SAFB2: variants seen among roughly 807,000 people sequenced by gnomAD.
SAFB2 encodes scaffold attachment factor B2.
A neutral mutation model predicts 100.6 loss-of-function variants in SAFB2; 32 were observed. That is an observed-to-expected ratio of 0.32 (90% CI 0.24 to 0.43). The LOEUF is 0.43. Ranked by LOEUF, SAFB2 falls within the 20% of genes least tolerant of loss-of-function variation. The pLI, the probability that SAFB2 is intolerant of heterozygous loss-of-function variation, is 1.00. For missense variants in SAFB2, 1,185 were observed against 1,163.4 expected (o/e 1.02, Z -0.27); for synonymous variants, 500 against 439.4 (o/e 1.14, Z -1.72).
intron 9 of SAFB2, among the ~76,000 whole-genome samples, chr19:5,608,955 C>G (rs898862467): frequency 6.8e-6 from 1 of 148,050 alleles, no homozygotes; most frequent in Non-Finnish European, 1.5e-5. Flanking sequence ...AGCTAAGGCA[C>G]GAGAATCACT....
intron 4 of SAFB2, among the ~76,000 whole-genome samples, chr19:5,614,901 C>A (rs1446570650): frequency 1.3e-5 from 2 of 152,204 alleles, no homozygotes; most frequent in African/African-American, 4.8e-5. Flanking sequence ...AATGTAACTG[C>A]TTAACCTTGC....
intron 13 of SAFB2, 26 bp downstream of exon 13, chr19:5,598,767 C>G (rs751839819): frequency 3.7e-6 from 6 of 1,600,406 alleles, no homozygotes; most frequent in Non-Finnish European, 3.4e-6. Flanking sequence ...AACAGCTGGC[C>G]CTGAGATGGC....
At chr19:5,612,280 T>A in intron 6 of SAFB2, 1 of 529,764 alleles carries the variant, frequency 1.9e-6, no homozygotes, top group Non-Finnish European at 3.3e-6. Context: ...ACGGGGGAAT[T>A]AAATGCCACT....
In SAFB2 at chr19:5,616,215, C is replaced by A. The variant is rs147855487; in HGVS notation, c.460G>T (p.Gly154Cys). ...CTATCACAAAAGGAATCGAGAAGGC[C>A]GTCCGTGCCATCCTCCCCAAAATCT... ...APDFGEDGTD[G>C]LLDSFCDSKE... The change falls in exon 4 of 21, where the codon GGC becomes TGC. Residue 154 changes from glycine to cysteine, a missense_variant. Coordinates refer to ENST00000252542, the MANE Select transcript of SAFB2 (RefSeq NM_014649.3). 79 of 1,614,050 alleles carry A rather than the reference C, an allele frequency of 4.9e-5. No homozygotes were observed. Among genetic ancestry groups the A allele is most frequent in the Non-Finnish European group, 5.9e-5 (70 of 1,180,030 alleles).
rs1053221384 is a variant in SAFB2 at position 5,591,643 on chromosome 19, G to C, written c.2394+105C>G. 15 of 1,077,534 alleles carry C rather than the reference G, an allele frequency of 1.4e-5. No homozygotes were observed. In the Admixed American group the frequency reaches 2.5e-4, roughly 18 times the overall value. The allele number at this position is 1,077,534 out of a possible 1,614,324, so 66.7% of individuals were successfully genotyped here. On this transcript the variant is annotated intron_variant, in intron 17 of 20. Transcript: ENST00000252542. ...GCATACCCGCCACACGTGCTGACTT[G>C]GTTGCCACCTCTCTGGGATCAAGCG...
At chr19:5,598,990 G>T in intron 12 of SAFB2, 106 bp from the exon 13 acceptor site, 1 of 943,904 alleles carries the variant, frequency 1.1e-6, no homozygotes, top group Non-Finnish European at 1.7e-6. Context: ...CAAGGCGTGA[G>T]TCAAGTGACT....
Position 5,616,497 on chromosome 19 carries a change from A to T in SAFB2, c.275-11T>A. On this transcript the variant is annotated splice_polypyrimidine_tract_variant and intron_variant, in intron 2 of 20. Transcript: ENST00000252542. ...CCTCCATCTTCAGTCCTAATTACAG[A>T]ATAATTGTTCAATCAGATAACACTC... is the stretch of plus-strand genomic sequence containing the variant. The T allele has an allele frequency of 1.9e-6, 3 of 1,610,800 alleles. No homozygotes were observed. Among genetic ancestry groups the T allele is most frequent in the African/African-American group, 1.3e-5 (1 of 74,976 alleles).
intron 12 of SAFB2, among the ~76,000 whole-genome samples, chr19:5,599,404 C>T (rs540177036): frequency 6.6e-6 from 1 of 152,312 alleles, no homozygotes; most frequent in East Asian, 1.9e-4. Flanking sequence ...ACCACTGGAA[C>T]AATGACTTAT....
intron 9 of SAFB2, among the ~76,000 whole-genome samples, chr19:5,609,297 ATTC>A (rs1257342775): frequency 2.8e-5 from 4 of 142,166 alleles, no homozygotes; most frequent in Admixed American, 7.2e-5. Flanking sequence ...TATTCACTTC[ATTC>A]TTTTTTTTTT....
At chr19:5,619,534 G>T (rs879285959) in intron 2 of SAFB2, among the ~76,000 whole-genome samples, 4 of 152,144 alleles carry the variant, frequency 2.6e-5, no homozygotes, top group Admixed American at 1.3e-4. Context: ...ATGATGCAAA[G>T]ATCATTAGAA....
rs10403278 is a variant in SAFB2, at chr19:5,606,472, T to A, written c.1297-1536A>T. ...GAAACCACATCTGTACCAAAAATTTTAAAAATTAGCTGGGTGTAGTGGTAC... is the reference window on the plus strand; with the variant it reads ...GAAACCACATCTGTACCAAAAATTTAAAAAATTAGCTGGGTGTAGTGGTAC... On this transcript the variant is annotated intron_variant, in intron 9 of 20. Coordinates refer to ENST00000252542, the MANE Select transcript of SAFB2 (RefSeq NM_014649.3). Among the ~76,000 whole-genome samples the A allele has an allele frequency of 6.0e-3, 905 of 152,092 alleles. 8 individuals carry two copies. Among genetic ancestry groups the A allele is most frequent in the African/African-American group, 0.02 (838 of 41,496 alleles).
At chr19:5,594,555 G>A (rs564651340) in intron 14 of SAFB2, among the ~76,000 whole-genome samples, 183 of 152,238 alleles carry the variant, frequency 1.2e-3, no homozygotes, top group African/African-American at 4.3e-3. Flanking sequence ...GAAGGGAGCC[G>A]CGGCAAAATG....
chr19:5,622,179 G>A (rs2053170552), intron 1 of SAFB2, among the ~76,000 whole-genome samples: 1 of 152,226 alleles, frequency 6.6e-6, no homozygotes, highest in African/African-American at 2.4e-5. Context: ...CCATTCTCCG[G>A]AGGAGGAAAC....
At chr19:5,610,185 T>C in intron 8 of SAFB2, 90 bp from the exon 9 acceptor site, 1 of 1,006,594 alleles carries the variant, frequency 9.9e-7, no homozygotes, top group Non-Finnish European at 1.5e-6. Context: ...TTAAAAACCC[T>C]AACGACGCCC....
Position 5,615,429 on chromosome 19 carries a change from T to G in SAFB2, c.543+703A>C, listed in dbSNP as rs368550601. On this transcript the variant is annotated intron_variant, in intron 4 of 20. Transcript: ENST00000252542. ...ATGAGATTAGAAACCATTTTTGAGCTGGGCACGGTGGACCACACCTATAAT... is the reference window on the plus strand; with the variant it reads ...ATGAGATTAGAAACCATTTTTGAGCGGGGCACGGTGGACCACACCTATAAT... Among the ~76,000 whole-genome samples, 31 of 152,112 alleles carry G rather than the reference T, an allele frequency of 2.0e-4. 1 individual carries two copies. In the South Asian group the frequency reaches 5.2e-3, roughly 25 times the overall value.
chr19:5,612,684 T>C (rs1224092640), intron 5 of SAFB2, 117 bp from the exon 6 acceptor site: 1 of 776,154 alleles, frequency 1.3e-6, no homozygotes, highest in African/African-American at 1.7e-5. Flanking sequence ...CACAAAACTT[T>C]CTTGTCTCCA....
intron 4 of SAFB2, 78 bp downstream of exon 4, chr19:5,616,054 T>C (rs779753613): frequency 5.2e-6 from 7 of 1,341,546 alleles, no homozygotes; most frequent in African/African-American, 1.4e-5. Context: ...AGCTGTGTTC[T>C]CCCTCACACG....
At chr19:5,619,214 C>T (rs1038251598) in intron 2 of SAFB2, among the ~76,000 whole-genome samples, 2 of 152,148 alleles carry the variant, frequency 1.3e-5, no homozygotes, top group Admixed American at 6.5e-5. Context: ...CCACGTGCCC[C>T]GACACCTCTA....
Position 5,592,849 on chromosome 19 carries a change from G to A in SAFB2, c.2246C>T (p.Ala749Val). Reference protein sequence around the residue: ...DAYWPEGKRVAMEDRYRADFP... With the variant: ...DAYWPEGKRVVMEDRYRADFP... The stretch of plus-strand genomic sequence containing the variant: ...GTCTGCACGATATCGGTCCTCCATT[G>A]CCACACGCTTTCCTTCTGGCCAATA... The change falls in exon 16 of 21, where the codon GCA becomes GTA. Residue 749 changes from alanine to valine, a missense_variant. Transcript: ENST00000252542. The A allele has an allele frequency of 6.2e-7, 1 of 1,614,142 alleles. No homozygotes were observed. Among genetic ancestry groups the A allele is most frequent in the Non-Finnish European group, 8.5e-7 (1 of 1,180,018 alleles).
Sources: allele counts gnomAD v4.1 joint callset (sites outside exome capture counted in the v4.1 genomes callset), GRCh38; gene constraint gnomAD v4.1.1; transcripts MANE v1.5; gene names NCBI Gene and HGNC (gene_info 2026-07-23, HGNC 2026-07-21).